The following CSNK1E variants were observed in gnomAD, a reference collection of about 807,000 sequenced individuals.
CSNK1E encodes casein kinase I isoform epsilon.
CSNK1E carries 17 observed loss-of-function variants against 46.1 expected under a neutral mutation model. The ratio of observed to expected loss-of-function variants is 0.37; its 90% CI spans 0.25 to 0.55. The LOEUF (loss-of-function observed/expected upper bound fraction) is 0.55, where lower values mean the gene tolerates loss of function less well. Among genes scored for constraint, CSNK1E ranks in the 20% least tolerant of loss-of-function variants. The pLI is 0.82. For missense variants in CSNK1E, 386 were observed against 595.4 expected (o/e 0.65, Z 3.66); for synonymous variants, 241 against 242.6 (o/e 0.99, Z 0.06).
intron 2 of CSNK1E, among the ~76,000 whole-genome samples, chr22:38,307,794 G>A (rs527507663): frequency 3.3e-5 from 5 of 152,264 alleles, no homozygotes; most frequent in East Asian, 1.9e-4. Flanking sequence ...CCTCTGGGGC[G>A]CAAGTGAGCC....
chr22:38,317,000 G>A (rs771748513), intron 1 of CSNK1E, 160 bp downstream of exon 1: 168 of 152,092 alleles, frequency 1.1e-3, no homozygotes, highest in Non-Finnish European at 2.1e-3. Flanking sequence ...TCGCCGGGCC[G>A]AGCGGGCGGC....
At chr22:38,296,878 GA>G (rs2092643558) in intron 7 of CSNK1E, 1 of 657,768 alleles carries the variant, frequency 1.5e-6, no homozygotes, top group Non-Finnish European at 2.6e-6. Flanking sequence ...GGGTTCAAGC[GA>G]TTCTCCTGCC....
chr22:38,316,065 G>C (rs2145856819), intron 1 of CSNK1E, among the ~76,000 whole-genome samples: 1 of 152,170 alleles, frequency 6.6e-6, no homozygotes, highest in South Asian at 2.1e-4. Context: ...TTCAGGAATG[G>C]AGAGGCTTTT....
intron 7 of CSNK1E, chr22:38,296,298 G>A (rs988697174): frequency 1.5e-6 from 2 of 1,311,458 alleles, no homozygotes; most frequent in African/African-American, 3.0e-5. Context: ...CTCTGTCCTT[G>A]GCTGTGTTGA....
intron 9 of CSNK1E, 131 bp downstream of exon 9, chr22:38,293,978 T>A (rs5757022): frequency 0.81 from 897,353 of 1,105,502 alleles, 365,221 homozygotes; most frequent in East Asian, 0.91. Flanking sequence ...GTCCTGGCTC[T>A]ACAGAAGGGG....
chr22:38,295,328 G>T, intron 7 of CSNK1E: 1 of 681,700 alleles, frequency 1.5e-6, no homozygotes, highest in Non-Finnish European at 1.8e-6. Flanking sequence ...CCTGGTGCAG[G>T]AGGAAGTGAG....
At chr22:38,316,032 C>A (rs1444629880) in intron 1 of CSNK1E, among the ~76,000 whole-genome samples, 1 of 152,052 alleles carries the variant, frequency 6.6e-6, no homozygotes, top group Non-Finnish European at 1.5e-5. Context: ...AAAAGCCTCC[C>A]AGAGGAGAGC....
At position 38,294,979 on chromosome 22, in the gene CSNK1E, G is replaced by A. The variant is rs1417498985; in HGVS notation, c.886-445C>T. Among the ~76,000 whole-genome samples the A allele has an allele frequency of 6.6e-6, 1 of 152,194 alleles. No individual in the cohort carries two copies. ...AGCAGACTGGCTAGGGGTGTCCAGA[G>A]GGGGAAAAGAACAGGCCCAGAGTCA... On this transcript the variant is annotated intron_variant, in intron 7 of 10. Transcript: ENST00000396832. This position sits in a 1 kb window ranked among gnomAD's most constrained non-coding sequence, Gnocchi z 5.5.
At chr22:38,313,040 C>T (rs2092727756) in intron 2 of CSNK1E, among the ~76,000 whole-genome samples, 1 of 152,174 alleles carries the variant, frequency 6.6e-6, no homozygotes, top group Non-Finnish European at 1.5e-5. Context: ...AAGTACCCTG[C>T]AAGGAAGTGG....
In CSNK1E at chr22:38,299,875, C is replaced by T; in HGVS notation, c.736+20G>A. 6.2e-7 allele frequency: 1 copy of T among 1,609,648 alleles called. No homozygotes were observed. Among genetic ancestry groups the T allele is most frequent in the Non-Finnish European group, 8.5e-7 (1 of 1,176,544 alleles). On this transcript the variant is annotated intron_variant, in intron 6 of 10. Transcript: ENST00000396832. ...GCCTCAGGGGCCCCCAGGCATGTCC[C>T]CTCCCACTGGGCTACTCACAGGGAT...
At position 38,298,837 on chromosome 22, in the gene CSNK1E, G is replaced by A. The variant is rs778543824; in HGVS notation, c.834C>T (p.His278=). The stretch of plus-strand genomic sequence containing the variant: ...CGTAGTCATAGGAGAAGCCCTGCCG[G>A]TGGAAGAGGTTGCGGAAGAGCTGAC... ...YLRQLFRNLF[H]RQGFSYDYVF... The change falls in exon 7 of 11, where the codon CAC becomes CAT. Residue 278 remains histidine (H), a synonymous_variant. Coordinates refer to ENST00000396832, the MANE Select transcript of CSNK1E (RefSeq NM_152221.3). This position sits in a 1 kb window ranked among gnomAD's most constrained non-coding sequence, Gnocchi z 4.2. 2 of 1,614,110 alleles carry A rather than the reference G, an allele frequency of 1.2e-6. No individual in the cohort carries two copies. Among genetic ancestry groups the A allele is most frequent in the Admixed American group, 3.3e-5 (2 of 60,010 alleles).
upstream of CSNK1E, chr22:38,317,907 G>A (rs2092756806): frequency 6.6e-6 from 1 of 152,262 alleles, no homozygotes; most frequent in African/African-American, 2.4e-5. Context: ...ACACAGGCCA[G>A]GTTGATTCAG....
In CSNK1E at chr22:38,294,586, TG is replaced by T. The variant is rs1349769428; in HGVS notation, c.886-53del. 1 of 1,512,626 alleles carries T rather than the reference TG, an allele frequency of 6.6e-7. No homozygotes were observed. Among genetic ancestry groups the T allele is most frequent in the African/African-American group, 1.4e-5 (1 of 71,126 alleles). 93.7% of individuals were successfully genotyped at this position (1,512,626 alleles called of 1,614,324 possible). A position where few individuals can be genotyped will look rare whatever the true frequency, so the allele number is the denominator to read the frequency against. ...GTCAGCCCCAGAGGCCAGGGTGCTCTGGGCCCAGCAGCCCTGCAGGGCACAG... is the reference window on the plus strand; with the variant it reads ...GTCAGCCCCAGAGGCCAGGGTGCTCTGGCCCAGCAGCCCTGCAGGGCACAG... On this transcript the variant is annotated intron_variant, in intron 7 of 10. Coordinates refer to ENST00000396832, the MANE Select transcript of CSNK1E (RefSeq NM_152221.3). The surrounding 1 kb of genome is among the most constrained non-coding windows in gnomAD (Gnocchi z 5.5).
intron 6 of CSNK1E, 79 bp from the exon 7 acceptor site, chr22:38,299,013 G>A: frequency 6.6e-7 from 1 of 1,505,214 alleles, no homozygotes; most frequent in Non-Finnish European, 9.2e-7. Flanking sequence ...CACTGTCCTA[G>A]CCACCCACTG....
chr22:38,304,465 A>C (rs1270211382), intron 2 of CSNK1E, among the ~76,000 whole-genome samples: 1 of 152,114 alleles, frequency 6.6e-6, no homozygotes, highest in African/African-American at 2.4e-5. Context: ...AACATAAACA[A>C]ACGCTCGCCC....
intron 2 of CSNK1E, among the ~76,000 whole-genome samples, chr22:38,313,066 T>A (rs1043893421): frequency 1.3e-5 from 2 of 152,162 alleles, no homozygotes; most frequent in Non-Finnish European, 2.9e-5. Context: ...GAACTCCCAG[T>A]CTCCGTCCCC....
intron 2 of CSNK1E, among the ~76,000 whole-genome samples, chr22:38,304,865 C>T (rs1279532360): frequency 6.6e-6 from 1 of 152,110 alleles, no homozygotes; most frequent in African/African-American, 2.4e-5. Context: ...GGCTCACGCC[C>T]GTAATCCCAA....
Position 38,298,239 on chromosome 22 carries a change from T to C in CSNK1E, c.885+547A>G, listed in dbSNP as rs931411481. ...AGAGATGTGAAACAAGACATACAAT[T>C]TCACAGATTCCAGAGCTCTGGGTAC... On this transcript the variant is annotated intron_variant, in intron 7 of 10. Transcript: ENST00000396832. The surrounding 1 kb of genome is among the most constrained non-coding windows in gnomAD (Gnocchi z 4.2). 7.7e-7 allele frequency: 1 copy of C among 1,296,208 alleles called. No individual in the cohort carries two copies. The highest frequency in any genetic ancestry group is 1.5e-5 in the African/African-American group (1 of 65,668). The allele number at this position is 1,296,208 out of a possible 1,614,324, so 80.3% of individuals were successfully genotyped here. A position where few individuals can be genotyped will look rare whatever the true frequency, so the allele number is the denominator to read the frequency against.
In CSNK1E at chr22:38,294,237, G is replaced by A; in HGVS notation, c.1090C>T (p.Pro364Ser). 1 of 1,612,314 alleles carries A rather than the reference G, an allele frequency of 6.2e-7. No individual in the cohort carries two copies. Among genetic ancestry groups the A allele is most frequent in the Non-Finnish European group, 8.5e-7 (1 of 1,179,938 alleles). ...CGGTCGACCCGCGAGATCGCTCTGG[G>A]AGAAGTATTGCCTGGAGGGAGAGTG... Reference protein sequence around the residue: ...SRIQPAGNTSPRAISRVDRER... With the variant: ...SRIQPAGNTSSRAISRVDRER... Residue 364 changes from proline (P) to serine (S), a missense_variant, in exon 9 of 11, where the codon CCC (proline) becomes TCC (serine). By Grantham distance (74) the Pro-to-Ser change is moderately conservative (BLOSUM62 -1). Transcript: ENST00000396832. The surrounding 1 kb of genome is among the most constrained non-coding windows in gnomAD (Gnocchi z 5.5).
Sources: allele counts gnomAD v4.1 joint callset (sites outside exome capture counted in the v4.1 genomes callset), GRCh38; gene constraint gnomAD v4.1.1; non-coding constraint Gnocchi (gnomAD v3.1); transcripts MANE v1.5; gene names NCBI Gene and HGNC (gene_info 2026-07-23, HGNC 2026-07-21).